NLRP5: variants seen among roughly 807,000 people sequenced by gnomAD.
NLRP5 encodes the protein NACHT, LRR and PYD domains-containing protein 5.
Under a neutral mutation model 113.1 loss-of-function variants are expected in NLRP5, and 93 were observed. The ratio of observed to expected loss-of-function variants is 0.82; its 90% CI spans 0.70 to 0.98. The LOEUF (loss-of-function observed/expected upper bound fraction) is 0.98, where lower values mean the gene tolerates loss of function less well. NLRP5 is among the 50% of genes least tolerant of loss of function. NLRP5 has a pLI of 0.00. For synonymous variants in NLRP5, 751 were observed against 600.7 expected (o/e 1.25, Z -3.66); for missense variants, 1,808 against 1,514.3 (o/e 1.19, Z -3.22).
At chr19:56,026,278 C>T (rs1047719973) in intron 6 of NLRP5, among the ~76,000 whole-genome samples, 1 of 151,830 alleles carries the variant, frequency 6.6e-6, no homozygotes, top group Non-Finnish European at 1.5e-5. Context: ...CCTGTAATCC[C>T]AGCACTTTGG....
chr19:56,060,539 A>G (rs1410679351), intron 14 of NLRP5, among the ~76,000 whole-genome samples: 1 of 152,146 alleles, frequency 6.6e-6, no homozygotes, highest in African/African-American at 2.4e-5. Flanking sequence ...GAACCTATCA[A>G]TGACATTAAG....
At chr19:56,039,687 G>A (rs530224248) in intron 10 of NLRP5, among the ~76,000 whole-genome samples, 4 of 152,166 alleles carry the variant, frequency 2.6e-5, no homozygotes, top group South Asian at 4.2e-4. Context: ...CGAGGCGGGC[G>A]GATCACCTGA....
At position 56,028,019 on chromosome 19, in the gene NLRP5, T is replaced by G; in HGVS notation, c.1786T>G (p.Tyr596Asp). Residue 596 changes from tyrosine to aspartate, a missense_variant, in exon 7 of 15, where the codon TAC becomes GAC. By Grantham distance (160) the Tyr-to-Asp change is radical. Coordinates refer to ENST00000390649, the MANE Select transcript of NLRP5 (RefSeq NM_153447.4). ...CCAGGACTTCTGTGCCGCCTTGTACTACGTGTTAGAGGGCCTGGAAATCGA... is the reference window on the plus strand; with the variant it reads ...CCAGGACTTCTGTGCCGCCTTGTACGACGTGTTAGAGGGCCTGGAAATCGA... 6.2e-7 allele frequency: 1 copy of G among 1,614,042 alleles called. No individual in the cohort carries two copies.
At chr19:56,045,110 G>A (rs1321188944) in intron 11 of NLRP5, among the ~76,000 whole-genome samples, 1 of 152,138 alleles carries the variant, frequency 6.6e-6, no homozygotes, top group Non-Finnish European at 1.5e-5. Context: ...GCTTTCTGGA[G>A]GAGTCCTTAG....
intron 6 of NLRP5, among the ~76,000 whole-genome samples, chr19:56,025,087 C>T (rs1410902708): frequency 1.3e-5 from 2 of 152,096 alleles, no homozygotes; most frequent in Admixed American, 1.3e-4. Flanking sequence ...CTGTCAGTGT[C>T]TCCATCACCC....
chr19:56,047,448 C>T (rs1983769557), intron 11 of NLRP5, among the ~76,000 whole-genome samples: 1 of 119,820 alleles, frequency 8.3e-6, no homozygotes, highest in African/African-American at 3.2e-5. Flanking sequence ...GTTGTTCAGT[C>T]TGAAGAATTT....
chr19:55,989,062 TG>T, the NLRP5 span, among the ~76,000 whole-genome samples: 21 of 152,216 alleles, frequency 1.4e-4, no homozygotes, highest in Non-Finnish European at 2.5e-4. Flanking sequence ...TTTCTTGCTA[TG>T]GTTCTATTTT....
chr19:56,036,277 C>T (rs550360034), intron 9 of NLRP5, among the ~76,000 whole-genome samples: 1 of 151,840 alleles, frequency 6.6e-6, no homozygotes, highest in East Asian at 2.0e-4. Context: ...CCAGGTTAGC[C>T]AGGATGGTCT....
intron 4 of NLRP5, among the ~76,000 whole-genome samples, chr19:56,016,070 G>A (rs12610272): frequency 0.1 from 15,905 of 152,150 alleles, 1,067 homozygotes; most frequent in African/African-American, 0.17. Flanking sequence ...TTCAATACAC[G>A]CATATATTGT....
intron 9 of NLRP5, among the ~76,000 whole-genome samples, chr19:56,036,455 A>T (rs772693375): frequency 6.6e-6 from 1 of 152,126 alleles, no homozygotes; most frequent in African/African-American, 2.4e-5. Context: ...ATGAAACGAG[A>T]TTGTTTTATT....
rs764236430 is a variant in NLRP5 at position 56,058,383 on chromosome 19, G to T, written c.3443G>T (p.Cys1148Phe). 6.2e-7 allele frequency: 1 copy of T among 1,613,670 alleles called. No homozygotes were observed. The change falls in exon 14 of 15, where the codon TGT becomes TTT. Residue 1148 changes from cysteine (C) to phenylalanine (F), a missense_variant. Transcript: ENST00000390649. ...ATGAAGCTGTGTTCGGCCTTTGCCT[G>T]TCCCACGTCTAACTTACAGATAATT...
chr19:56,045,359 G>A (rs1471263615), intron 11 of NLRP5, among the ~76,000 whole-genome samples: 4 of 152,114 alleles, frequency 2.6e-5, no homozygotes, highest in Non-Finnish European at 4.4e-5. Context: ...GGGTGTGAGC[G>A]GGCTGAGTCT....
At chr19:56,033,281 ATGT>A (rs1983193511) in intron 8 of NLRP5, among the ~76,000 whole-genome samples, 1 of 152,110 alleles carries the variant, frequency 6.6e-6, no homozygotes, top group African/African-American at 2.4e-5. Flanking sequence ...CCTTGTGCTG[ATGT>A]TACTGAAGCA....
chr19:55,986,783 C>T, the NLRP5 span, among the ~76,000 whole-genome samples: 4 of 151,382 alleles, frequency 2.6e-5, no homozygotes, highest in Admixed American at 2.6e-4. Context: ...CCAGCTGGCC[C>T]AGAGCTGGAC....
At chr19:56,032,964 G>A (rs1272256080) in intron 8 of NLRP5, among the ~76,000 whole-genome samples, 183 bp downstream of exon 8, 1 of 152,094 alleles carries the variant, frequency 6.6e-6, no homozygotes. Context: ...CCTTGTGATC[G>A]GCCGGGCGCA....
chr19:56,004,069 C>G lies in NLRP5; in HGVS notation c.416C>G (p.Ser139Trp), dbSNP rs577761633. The change falls in exon 2 of 15, where the codon TCG (serine) becomes TGG (tryptophan). Residue 139 changes from serine (S) to tryptophan (W), a missense_variant. By Grantham distance (177) the Ser-to-Trp change is radical. Transcript: ENST00000390649. ...GAAAACATGAACCTGCGAACCCTCT[C>G]GGAGAAGGCACGGGATGACATGAAA... is the stretch of plus-strand genomic sequence containing the variant. 2 of 1,611,180 alleles carry G rather than the reference C, an allele frequency of 1.2e-6. No homozygotes were observed. Among genetic ancestry groups the G allele is most frequent in the South Asian group, 2.2e-5 (2 of 90,728 alleles).
intron 3 of NLRP5, 96 bp from the exon 4 acceptor site, chr19:56,015,646 A>G (rs1982375023): frequency 4.0e-6 from 4 of 1,006,952 alleles, no homozygotes; most frequent in Non-Finnish European, 4.2e-6. Flanking sequence ...AAAATTAACT[A>G]TGGCATGACT....
rs371610721 is a variant in NLRP5 at position 56,053,665 on chromosome 19, G to A, written c.3156G>A (p.Ala1052=). The change falls in exon 13 of 15, where the codon GCG becomes GCA. Residue 1052 remains alanine (A), a synonymous_variant. Transcript: ENST00000390649. Reference sequence around the variant, plus strand: ...TGGTAAAGTGTCATCTCACCGCCGCGTGCTGTGAGAGTCTGTCCTGTGTGA... The same window carrying A: ...TGGTAAAGTGTCATCTCACCGCCGCATGCTGTGAGAGTCTGTCCTGTGTGA... The A allele has an allele frequency of 6.9e-5, 112 of 1,613,840 alleles. 2 individuals are homozygous for A. The South Asian group carries it at 1.1e-3, about 16-fold the overall frequency.
intron 3 of NLRP5, among the ~76,000 whole-genome samples, chr19:56,013,150 T>C (rs1982263797): frequency 6.6e-6 from 1 of 152,142 alleles, no homozygotes; most frequent in African/African-American, 2.4e-5. Context: ...AGACACTTTG[T>C]TATATTGTGT....
Sources: allele counts gnomAD v4.1 joint callset (sites outside exome capture counted in the v4.1 genomes callset), GRCh38; gene constraint gnomAD v4.1.1; transcripts MANE v1.5; gene names NCBI Gene and HGNC (gene_info 2026-07-23, HGNC 2026-07-21).